The following UCHL3 variants were observed in gnomAD, a reference collection of about 807,000 sequenced individuals.
The protein encoded by UCHL3 is ubiquitin carboxyl-terminal hydrolase isozyme L3.
A neutral mutation model predicts 35.8 loss-of-function variants in UCHL3; 22 were observed. That is an observed-to-expected ratio of 0.61 (90% CI 0.44 to 0.88). The LOEUF (loss-of-function observed/expected upper bound fraction) is 0.88. UCHL3 is among the 40% of genes least tolerant of loss of function. UCHL3 has a pLI of 0.00. For missense variants in UCHL3, 229 were observed against 276.9 expected (o/e 0.83, Z 1.23); for synonymous variants, 90 against 92.8 (o/e 0.97, Z 0.17).
At chr13:75,567,194 C>T in intron 4 of UCHL3, 33 bp from the exon 5 acceptor site, 2 of 1,589,460 alleles carry the variant, frequency 1.3e-6, no homozygotes, top group African/African-American at 2.7e-5. Flanking sequence ...CTGTATCAAG[C>T]CTTTTTAATT....
At chr13:75,597,156 A>G (rs888917747) in intron 7 of UCHL3, among the ~76,000 whole-genome samples, 2 of 152,222 alleles carry the variant, frequency 1.3e-5, no homozygotes, top group Non-Finnish European at 2.9e-5. Context: ...CAAAAGGAAT[A>G]TTGAGCAAGA....
intron 6 of UCHL3, among the ~76,000 whole-genome samples, chr13:75,587,017 C>CAAAAAAA (rs3036429): frequency 2.0e-5 from 2 of 98,982 alleles, no homozygotes; most frequent in African/African-American, 4.0e-5. Flanking sequence ...CTTAAGGTAG[C>CAAAAAAA]AAAAAAAAAA....
Position 75,569,520 on chromosome 13 carries a change from T to A in UCHL3, c.474+13T>A, listed in dbSNP as rs1199366473. ...AGGTCAGACTGAGGTATTTCACATT[T>A]TTTCTAAATTTTTCTTGCTATAAAT... On this transcript the variant is annotated intron_variant, in intron 6 of 8. Transcript: ENST00000377595. 1 of 1,601,894 alleles carries A rather than the reference T, an allele frequency of 6.2e-7. No individual in the cohort carries two copies. Among genetic ancestry groups the A allele is most frequent in the Non-Finnish European group, 8.5e-7 (1 of 1,174,742 alleles).
chr13:75,570,032 C>A (rs1242493573), intron 6 of UCHL3, among the ~76,000 whole-genome samples: 1 of 151,816 alleles, frequency 6.6e-6, no homozygotes, highest in African/African-American at 2.4e-5. Flanking sequence ...TTTTTGGTTT[C>A]TTCATTTTTC....
intron 6 of UCHL3, among the ~76,000 whole-genome samples, chr13:75,588,163 A>G (rs2032378844): frequency 1.3e-5 from 2 of 151,992 alleles, no homozygotes; most frequent in African/African-American, 4.8e-5. Flanking sequence ...TGTCTTCCTT[A>G]TTTCTATTTC....
At chr13:75,558,181 A>G (rs2031355996) in intron 2 of UCHL3, among the ~76,000 whole-genome samples, 1 of 152,166 alleles carries the variant, frequency 6.6e-6, no homozygotes, top group South Asian at 2.1e-4. Context: ...AATTGTTGAT[A>G]TGAGTAAGAA....
At chr13:75,590,032 G>A (rs1159749933) in intron 6 of UCHL3, 4 of 1,304,566 alleles carry the variant, frequency 3.1e-6, no homozygotes, top group Admixed American at 2.3e-5. Flanking sequence ...TGGGTCAAAC[G>A]TAACCATGTA....
chr13:75,601,000 G>T (rs2032770415), intron 7 of UCHL3, among the ~76,000 whole-genome samples: 1 of 152,164 alleles, frequency 6.6e-6, no homozygotes, highest in Admixed American at 6.5e-5. Flanking sequence ...ACTTTGAGGG[G>T]TTTAAGACTT....
At chr13:75,603,976 T>C (rs2032856059) in intron 7 of UCHL3, among the ~76,000 whole-genome samples, 1 of 152,124 alleles carries the variant, frequency 6.6e-6, no homozygotes, top group African/African-American at 2.4e-5. Context: ...TGAATTTATG[T>C]GTTGATTTTC....
chr13:75,557,316 A>G (rs974196746), intron 2 of UCHL3, among the ~76,000 whole-genome samples: 1 of 152,198 alleles, frequency 6.6e-6, no homozygotes, highest in South Asian at 2.1e-4. Context: ...CTCAAAACAT[A>G]TTTACAAATA....
At chr13:75,580,132 C>G (rs1321092990) in intron 6 of UCHL3, among the ~76,000 whole-genome samples, 1 of 152,100 alleles carries the variant, frequency 6.6e-6, no homozygotes, top group Non-Finnish European at 1.5e-5. Flanking sequence ...TTACCATTAT[C>G]CAGATTTTCC....
In UCHL3 at chr13:75,549,807, C is replaced by G; in HGVS notation, c.-14C>G. The G allele has an allele frequency of 3.9e-6, 6 of 1,546,024 alleles. No homozygotes were observed. The highest frequency in any genetic ancestry group is 4.3e-6 in the Non-Finnish European group (5 of 1,152,558). On this transcript the variant is annotated 5_prime_UTR_variant, in exon 1 of 9. Transcript: ENST00000377595. Reference sequence around the variant, plus strand: ...GCGGCGGCTGTCAGAGCTGGAGGGCCGGGCACCGCGGCCATGGAGGGTCAA... The same window carrying G: ...GCGGCGGCTGTCAGAGCTGGAGGGCGGGGCACCGCGGCCATGGAGGGTCAA...
chr13:75,577,143 G>C (rs529936061), intron 6 of UCHL3, among the ~76,000 whole-genome samples: 1 of 152,256 alleles, frequency 6.6e-6, no homozygotes, highest in East Asian at 1.9e-4. Flanking sequence ...CTCTGTAGTT[G>C]GGAGGCTGAG....
Position 75,567,222 on chromosome 13 carries a change from C to A in UCHL3, c.341-5C>A. Reference sequence around the variant, plus strand: ...TTTTAATTTTATCTTCTTTCATATTCTCAGAATCTGGATCAACCTTGAAAA... The same window carrying A: ...TTTTAATTTTATCTTCTTTCATATTATCAGAATCTGGATCAACCTTGAAAA... On this transcript the variant is annotated splice_polypyrimidine_tract_variant and splice_region_variant and intron_variant, in intron 4 of 8. Transcript: ENST00000377595. The A allele has an allele frequency of 9.9e-6, 16 of 1,613,540 alleles. No individual in the cohort carries two copies. The highest frequency in any genetic ancestry group is 1.4e-5 in the Non-Finnish European group (16 of 1,179,646).
chr13:75,555,705 C>T (rs917104283), intron 2 of UCHL3, among the ~76,000 whole-genome samples: 5 of 152,072 alleles, frequency 3.3e-5, no homozygotes, highest in Admixed American at 2.0e-4. Context: ...CTATCATTCT[C>T]ATTGAAACCA....
In UCHL3 at chr13:75,569,452, T is replaced by C; in HGVS notation, c.427-8T>C. 1 of 1,605,738 alleles carries C rather than the reference T, an allele frequency of 6.2e-7. No homozygotes were observed. The highest frequency in any genetic ancestry group is 2.2e-5 in the East Asian group (1 of 44,758). On this transcript the variant is annotated splice_polypyrimidine_tract_variant and splice_region_variant and intron_variant, in intron 5 of 8. Transcript: ENST00000377595. The stretch of plus-strand genomic sequence containing the variant: ...TTTTTCCAATGAATACCTTTATTCT[T>C]ATTACAGGCCATCCGAGTTACTCAT...
upstream of UCHL3, chr13:75,549,661 G>A: frequency 1.4e-6 from 1 of 720,966 alleles, no homozygotes; most frequent in Non-Finnish European, 2.2e-6. Context: ...TGCACGGAGC[G>A]GTTAAGAGGG....
At chr13:75,594,307 T>C (rs1380739107) in intron 6 of UCHL3, among the ~76,000 whole-genome samples, 1 of 152,196 alleles carries the variant, frequency 6.6e-6, no homozygotes, top group African/African-American at 2.4e-5. Flanking sequence ...TTATCTTTTT[T>C]CCCTTCCTTT....
intron 7 of UCHL3, 76 bp downstream of exon 7, chr13:75,595,066 T>C (rs180810567): frequency 4.2e-5 from 45 of 1,073,162 alleles, no homozygotes. Context: ...AACAGGACTA[T>C]TGATATTTAT....
Sources: allele counts gnomAD v4.1 joint callset (sites outside exome capture counted in the v4.1 genomes callset), GRCh38; gene constraint gnomAD v4.1.1; transcripts MANE v1.5; gene names NCBI Gene and HGNC (gene_info 2026-07-23, HGNC 2026-07-21).